Variants in RGS6 observed in about 807,000 individuals in gnomAD.
RGS6 encodes the protein regulator of G protein signaling 6.
RGS6 carries 30 observed loss-of-function variants against 78.5 expected under a neutral mutation model. The ratio of observed to expected loss-of-function variants is 0.38; its 90% CI spans 0.29 to 0.52. RGS6 has a LOEUF of 0.52. RGS6 is among the 20% of genes least tolerant of loss of function. RGS6 has a pLI of 0.85. For synonymous variants in RGS6, 206 were observed against 206.0 expected, an observed-to-expected ratio of 1.00 and a Z score of 0.00; for missense variants, 495 against 609.7, an observed-to-expected ratio of 0.81 and a Z score of 1.98.
chr14:72,071,986 A>G (rs2094423667), intron 2 of RGS6, among the ~76,000 whole-genome samples: 1 of 152,232 alleles, frequency 6.6e-6, no homozygotes, highest in Non-Finnish European at 1.5e-5. Context: ...TGTAACAATC[A>G]GGTGTAATAC....
chr14:72,438,877 G>C (rs905608882), intron 3 of RGS6, among the ~76,000 whole-genome samples: 5 of 152,136 alleles, frequency 3.3e-5, no homozygotes, highest in Non-Finnish European at 5.9e-5. Context: ...TGCCTTCCTG[G>C]TCTCCTCTCC....
At chr14:72,366,404 T>A (rs1424154123) in intron 3 of RGS6, among the ~76,000 whole-genome samples, 4 of 152,108 alleles carry the variant, frequency 2.6e-5, no homozygotes, top group Admixed American at 2.0e-4. Context: ...GAATATAATC[T>A]CTGTCTTAGA....
At chr14:71,981,660 C>T (rs374586232) in intron 2 of RGS6, among the ~76,000 whole-genome samples, 12,295 of 107,164 alleles carry the variant, frequency 0.11, 1 homozygote, top group Non-Finnish European at 0.17. Context: ...TCTCCAGCTG[C>T]GTGCTGGGAG....
At chr14:72,060,812 T>C (rs2093856734) in intron 2 of RGS6, among the ~76,000 whole-genome samples, 1 of 152,324 alleles carries the variant, frequency 6.6e-6, no homozygotes, top group South Asian at 2.1e-4. Flanking sequence ...AAAAATGTAA[T>C]GTAGTTTAAT....
At chr14:72,267,366 A>C (rs762463411) in intron 2 of RGS6, among the ~76,000 whole-genome samples, 1 of 152,228 alleles carries the variant, frequency 6.6e-6, no homozygotes, top group Non-Finnish European at 1.5e-5. Flanking sequence ...GTTTCTTTGG[A>C]ACACAGTCAT....
At chr14:72,446,323 T>C (rs982316748) in intron 3 of RGS6, among the ~76,000 whole-genome samples, 1 of 152,202 alleles carries the variant, frequency 6.6e-6, no homozygotes, top group Admixed American at 6.5e-5. Context: ...AGCAAACTAA[T>C]ATAGAAGAGG....
Position 72,200,854 on chromosome 14 carries a change from G to A in RGS6, c.85-151241G>A, listed in dbSNP as rs1427231864. Reference sequence around the variant, plus strand: ...TCTTTGGGATACTTGACTGGAGAGGGCTTTCTACTTACACGTGCCTAGGGA... The same window carrying A: ...TCTTTGGGATACTTGACTGGAGAGGACTTTCTACTTACACGTGCCTAGGGA... On this transcript the variant is annotated intron_variant, in intron 2 of 17. Transcript: ENST00000553525. Among the ~76,000 whole-genome samples, 3 of 151,744 alleles carry A rather than the reference G, an allele frequency of 2.0e-5. No individual in the cohort carries two copies. The East Asian group carries it at 5.8e-4, about 29-fold the overall frequency.
chr14:72,289,201 G>C (rs2063133673), intron 2 of RGS6, among the ~76,000 whole-genome samples: 1 of 152,016 alleles, frequency 6.6e-6, no homozygotes, highest in Non-Finnish European at 1.5e-5. Flanking sequence ...TTACTGTCTG[G>C]TTACTTACTG....
Position 72,195,074 on chromosome 14 carries a change from GACAC to G in RGS6, c.85-157016_85-157013del, listed in dbSNP as rs1239685238. Among the ~76,000 whole-genome samples, 12 of 152,234 alleles carry G rather than the reference GACAC, an allele frequency of 7.9e-5. No homozygotes were observed. In the East Asian group the frequency reaches 2.3e-3, roughly 29 times the overall value. On this transcript the variant is annotated intron_variant, in intron 2 of 17. Coordinates refer to ENST00000553525, the MANE Select transcript of RGS6 (RefSeq NM_001204424.2). Reference sequence around the variant, plus strand: ...AATACAAAAATTAGCTAGGTGTGGTGACACACACCTGTAATCACAGTTACTCAGG... The same window carrying G: ...AATACAAAAATTAGCTAGGTGTGGTGACACCTGTAATCACAGTTACTCAGG...
At chr14:71,868,759 A>G in the RGS6 span, among the ~76,000 whole-genome samples, 3 of 152,178 alleles carry the variant, frequency 2.0e-5, no homozygotes, top group Non-Finnish European at 4.4e-5. Context: ...GAAGAGCACA[A>G]TTCCATAACC....
chr14:72,581,767 T>C, the RGS6 span, among the ~76,000 whole-genome samples: 1 of 152,248 alleles, frequency 6.6e-6, no homozygotes, highest in Non-Finnish European at 1.5e-5. Flanking sequence ...CCCAAGAGCC[T>C]TCTCTCTCTA....
chr14:72,218,145 G>C (rs1236677897), intron 2 of RGS6, among the ~76,000 whole-genome samples: 1 of 152,156 alleles, frequency 6.6e-6, no homozygotes, highest in African/African-American at 2.4e-5. Context: ...TGCTGCATGT[G>C]TTTTATTTCA....
At chr14:71,926,581 C>G in the RGS6 span, among the ~76,000 whole-genome samples, 1 of 88,530 alleles carries the variant, frequency 1.1e-5, no homozygotes, top group African/African-American at 4.8e-5. Context: ...GAGACTCTGT[C>G]TCAGAAAAAA....
Position 72,472,853 on chromosome 14 carries a change from C to T in RGS6, c.537-19C>T, listed in dbSNP as rs747003293. 187 of 1,566,748 alleles carry T rather than the reference C, an allele frequency of 1.2e-4. No individual in the cohort carries two copies. The highest frequency in any genetic ancestry group is 1.6e-4 in the Non-Finnish European group (184 of 1,143,732). The stretch of plus-strand genomic sequence containing the variant: ...AGAATACAGAGCTTCTTATTTCCTT[C>T]CTCTCTTTACTCTTTCAGGATTGAC... On this transcript the variant is annotated intron_variant, in intron 8 of 17. Transcript: ENST00000553525.
chr14:72,444,010 G>A (rs1465718320), intron 3 of RGS6, among the ~76,000 whole-genome samples: 2 of 152,092 alleles, frequency 1.3e-5, no homozygotes, highest in South Asian at 2.1e-4. Flanking sequence ...GCTAAATCCC[G>A]CACACTCTCC....
chr14:72,176,510 C>T (rs1051213497), intron 2 of RGS6, among the ~76,000 whole-genome samples: 5 of 152,100 alleles, frequency 3.3e-5, no homozygotes, highest in Non-Finnish European at 7.3e-5. Flanking sequence ...TAGCCATGCA[C>T]CGCTGTGCTG....
intron 3 of RGS6, among the ~76,000 whole-genome samples, chr14:72,364,983 C>A (rs2082190921): frequency 6.6e-6 from 1 of 152,098 alleles, no homozygotes; most frequent in Non-Finnish European, 1.5e-5. Context: ...CTGCAAGGCC[C>A]GTCTCTACAC....
At chr14:72,294,915 G>A (rs1224027850) in intron 2 of RGS6, among the ~76,000 whole-genome samples, 1 of 152,154 alleles carries the variant, frequency 6.6e-6, no homozygotes, top group East Asian at 1.9e-4. Flanking sequence ...AACCATAGCA[G>A]CCACCACTCT....
chr14:72,302,648 C>T (rs370158544), intron 2 of RGS6, among the ~76,000 whole-genome samples: 3 of 151,974 alleles, frequency 2.0e-5, no homozygotes, highest in South Asian at 2.1e-4. Context: ...GCTTTCCAAA[C>T]GGCCTCAGAG....
Sources: allele counts gnomAD v4.1 joint callset (sites outside exome capture counted in the v4.1 genomes callset), GRCh38; gene constraint gnomAD v4.1.1; transcripts MANE v1.5; gene names NCBI Gene and HGNC (gene_info 2026-07-23, HGNC 2026-07-21).